TP53BP2: variants seen among roughly 807,000 people sequenced by gnomAD.
The protein encoded by TP53BP2 is apoptosis-stimulating of p53 protein 2.
In TP53BP2, 62 loss-of-function variants were observed where a neutral mutation model predicts 126.2. That is an observed-to-expected ratio of 0.49 (90% CI 0.40 to 0.61). The LOEUF is 0.61. Ranked by LOEUF, TP53BP2 falls within the 20% of genes least tolerant of loss-of-function variation. The pLI, the probability that TP53BP2 is intolerant of heterozygous loss-of-function variation, is 0.00. For synonymous variants in TP53BP2, 485 were observed against 502.9 expected, an observed-to-expected ratio of 0.96 and a Z score of 0.48; for missense variants, 1,215 against 1,402.8, an observed-to-expected ratio of 0.87 and a Z score of 2.14.
intron 16 of TP53BP2, 97 bp downstream of exon 16, chr1:223,788,911 G>T: frequency 2.2e-6 from 3 of 1,348,720 alleles, no homozygotes; most frequent in Non-Finnish European, 3.1e-6. Context: ...GATAACACAA[G>T]ATTTTTTCCA....
chr1:223,801,784 C>T (rs930728114), intron 9 of TP53BP2, among the ~76,000 whole-genome samples: 23 of 152,072 alleles, frequency 1.5e-4, no homozygotes, highest in African/African-American at 5.3e-4. Context: ...TATGTTTTTA[C>T]CCAAAAAGAA....
intron 16 of TP53BP2, among the ~76,000 whole-genome samples, chr1:223,786,103 C>G (rs1002591076): frequency 6.6e-6 from 1 of 152,066 alleles, no homozygotes; most frequent in South Asian, 2.1e-4. Flanking sequence ...ACAGGCAACA[C>G]GAGTGAATCT....
chr1:223,826,561 T>C (rs938884159), intron 1 of TP53BP2, among the ~76,000 whole-genome samples: 3 of 152,192 alleles, frequency 2.0e-5, no homozygotes, highest in African/African-American at 7.2e-5. Context: ...TGACTGCTAA[T>C]AGGTACAGGG....
At chr1:223,794,175 T>A (rs999621266) in intron 13 of TP53BP2, among the ~76,000 whole-genome samples, 1 of 151,762 alleles carries the variant, frequency 6.6e-6, no homozygotes, top group Non-Finnish European at 1.5e-5. Flanking sequence ...AAAGGCAAAA[T>A]TTTAAAGACT....
In TP53BP2 at chr1:223,784,338, A is replaced by C. The variant is rs1661878264; in HGVS notation, c.3164-24T>G. 3 of 1,610,462 alleles carry C rather than the reference A, an allele frequency of 1.9e-6. No individual in the cohort carries two copies. The East Asian group carries it at 6.7e-5, about 36-fold the overall frequency. On this transcript the variant is annotated intron_variant, in intron 16 of 17. Coordinates refer to ENST00000343537, the MANE Select transcript of TP53BP2 (RefSeq NM_001031685.3). ...TCCTAAAATCATGACAGTAAGATAA[A>C]GCACAGAATATACAACTTGGAGTAT...
rs1571841350 is a variant in TP53BP2 at position 223,792,466 on chromosome 1, C to A, written c.2919G>T (p.Val973=). The change falls in exon 15 of 18, where the codon GTG becomes GTT. Residue 973 remains valine (V), a synonymous_variant. Transcript: ENST00000343537. ...DEGITALHNA[V]CAGHTEIVKF... is the part of the protein sequence containing the mutation. ...TAACGATTTCTGTGTGGCCTGCACA[C>A]ACAGCATTGTGAAGAGCCGTGATGC... 6.2e-7 allele frequency: 1 copy of A among 1,614,040 alleles called. No individual in the cohort carries two copies. The highest frequency in any genetic ancestry group is 8.5e-7 in the Non-Finnish European group (1 of 1,179,950).
rs77037265 is a variant in TP53BP2 at position 223,784,275 on chromosome 1, A to G, written c.3203T>C (p.Ile1068Thr). Residue 1068 changes from isoleucine (I) to threonine (T), a missense_variant, in exon 17 of 18, where the codon ATT becomes ACT. Around this residue, in one of 4 missense-constraint regions of TP53BP2, gnomAD observed 151 missense variants for 231.2 expected, o/e 0.65. Transcript: ENST00000343537. Reference sequence around the variant, plus strand: ...AGGTTCATAATCCCAAAGCGCATAAATGACTCCTTTATTCATTATGCCCAT... The same window carrying G: ...AGGTTCATAATCCCAAAGCGCATAAGTGACTCCTTTATTCATTATGCCCAT... The part of the protein sequence containing the change: ...EKMGIMNKGV[I>T]YALWDYEPQN... 6.2e-7 allele frequency: 1 copy of G among 1,614,196 alleles called. No homozygotes were observed. The highest frequency in any genetic ancestry group is 1.3e-5 in the African/African-American group (1 of 75,050).
intron 2 of TP53BP2, 111 bp downstream of exon 2, chr1:223,821,109 T>G (rs1663289202): frequency 7.3e-7 from 1 of 1,369,868 alleles, no homozygotes; most frequent in African/African-American, 1.4e-5. Context: ...GGACGTGCTA[T>G]TCTCCAGTTT....
In TP53BP2 at chr1:223,798,401, C is replaced by T. The variant is rs138105834; in HGVS notation, c.1762G>A (p.Val588Ile). 38 of 1,614,020 alleles carry T rather than the reference C, an allele frequency of 2.4e-5. No individual in the cohort carries two copies. Among genetic ancestry groups the T allele is most frequent in the African/African-American group, 1.2e-4 (9 of 74,902 alleles). ...SKQESPPAAA[V>I]RPFTPQPSKD... ...GAAGGCTGGGGAGTAAAGGGCCGGACGGCAGCAGCAGGTGGACTTTCTTGC... is the reference window on the plus strand; with the variant it reads ...GAAGGCTGGGGAGTAAAGGGCCGGATGGCAGCAGCAGGTGGACTTTCTTGC... Residue 588 changes from valine to isoleucine, a missense_variant, in exon 12 of 18, where the codon GTC becomes ATC. Physicochemically the swap from Val to Ile is conservative, Grantham distance 29. Around this residue, in one of 4 missense-constraint regions of TP53BP2, gnomAD observed 814 missense variants for 853.0 expected, o/e 0.95. Coordinates refer to ENST00000343537, the MANE Select transcript of TP53BP2 (RefSeq NM_001031685.3).
At chr1:223,831,475 AAAAAAATATATATATAT>A (rs923872208) in intron 1 of TP53BP2, among the ~76,000 whole-genome samples, 6 of 47,080 alleles carry the variant, frequency 1.3e-4, no homozygotes, top group African/African-American at 3.6e-4. Flanking sequence ...CTAAAAAAAA[AAAAAAATATATATATAT>A]ATATATATAT....
chr1:223,799,906 T>C lies in TP53BP2; in HGVS notation c.1478A>G (p.Asp493Gly). Residue 493 changes from aspartate (D) to glycine (G), a missense_variant, in exon 11 of 18, where the codon GAT becomes GGT. Coordinates refer to ENST00000343537, the MANE Select transcript of TP53BP2 (RefSeq NM_001031685.3). ...KNQSSEDILR[D>G]AQVANKNVAK... ...CAGGATATTTGTAGGTACCTGAGCA[T>C]CCCGCAAGATATCTTCACTGCTCTG... is the stretch of plus-strand genomic sequence containing the variant. The C allele has an allele frequency of 6.3e-7, 1 of 1,589,762 alleles. No individual in the cohort carries two copies. Among genetic ancestry groups the C allele is most frequent in the South Asian group, 1.2e-5 (1 of 86,328 alleles).
At position 223,798,696 on chromosome 1, in the gene TP53BP2, A is replaced by G; in HGVS notation, c.1486-19T>C. On this transcript the variant is annotated intron_variant, in intron 11 of 17. Coordinates refer to ENST00000343537, the MANE Select transcript of TP53BP2 (RefSeq NM_001031685.3). ...TTGCAACCTATAACACACACATAAAAAGCCAGTTAAAATACTATATAACTG... is the reference window on the plus strand; with the variant it reads ...TTGCAACCTATAACACACACATAAAGAGCCAGTTAAAATACTATATAACTG... 6.4e-7 allele frequency: 1 copy of G among 1,560,562 alleles called. No individual in the cohort carries two copies. Among genetic ancestry groups the G allele is most frequent in the Non-Finnish European group, 8.7e-7 (1 of 1,151,114 alleles).
At chr1:223,814,914 T>C (rs549438706) in intron 2 of TP53BP2, among the ~76,000 whole-genome samples, 61 of 152,228 alleles carry the variant, frequency 4.0e-4, no homozygotes, top group Middle Eastern at 3.4e-3. Context: ...TTGCCCCTCT[T>C]CCAGTGAGAA....
Position 223,796,515 on chromosome 1 carries a change from C to T in TP53BP2, c.2024G>A (p.Gly675Asp). 6.2e-7 allele frequency: 1 copy of T among 1,614,056 alleles called. No individual in the cohort carries two copies. Among genetic ancestry groups the T allele is most frequent in the Non-Finnish European group, 8.5e-7 (1 of 1,180,024 alleles). The change falls in exon 13 of 18, where the codon GGC becomes GAC. Residue 675 changes from glycine to aspartate, a missense_variant. By Grantham distance (94) the Gly-to-Asp change is moderately conservative. Coordinates refer to ENST00000343537, the MANE Select transcript of TP53BP2 (RefSeq NM_001031685.3). This position sits in a 1 kb window ranked among gnomAD's most constrained non-coding sequence, Gnocchi z 4.2. ...TTCAGGTTCTGGACTGCCAGGCTTG[C>T]CCTGGCTATTGGAATAAATGTTCTC... ...HPENIYSNSQ[G>D]KPGSPEPETE...
rs550586293 is a variant in TP53BP2 at position 223,785,726 on chromosome 1, T to G, written c.3164-1412A>C. Among the ~76,000 whole-genome samples the G allele has an allele frequency of 2.0e-5, 3 of 152,376 alleles. No homozygotes were observed. The South Asian group carries it at 6.2e-4, about 32-fold the overall frequency. On this transcript the variant is annotated intron_variant, in intron 16 of 17. Transcript: ENST00000343537. Reference sequence around the variant, plus strand: ...AGGAATGGAGAAAAATTCTCATTACTTTGCTATTTATCAGATTAAGAGTTG... The same window carrying G: ...AGGAATGGAGAAAAATTCTCATTACGTTGCTATTTATCAGATTAAGAGTTG...
At chr1:223,790,798 G>A (rs1662131505) in intron 15 of TP53BP2, among the ~76,000 whole-genome samples, 1 of 151,776 alleles carries the variant, frequency 6.6e-6, no homozygotes, top group African/African-American at 2.4e-5. Flanking sequence ...TAGAGACAGG[G>A]TCTCTCTCTG....
intron 16 of TP53BP2, among the ~76,000 whole-genome samples, chr1:223,786,596 G>GTGTGTA (rs1415111093): frequency 6.7e-6 from 1 of 150,024 alleles, no homozygotes; most frequent in Non-Finnish European, 1.5e-5. Flanking sequence ...GTGTGTGTGT[G>GTGTGTA]TGTGTGTGTG....
At chr1:223,814,119 T>C (rs533832263) in intron 3 of TP53BP2, 121 bp downstream of exon 3, 26 of 689,130 alleles carry the variant, frequency 3.8e-5, no homozygotes, top group South Asian at 1.8e-4. Flanking sequence ...CTCCACTGTT[T>C]CCACTTCCTA....
intron 16 of TP53BP2, among the ~76,000 whole-genome samples, chr1:223,788,526 A>G (rs1558088322): frequency 6.6e-6 from 1 of 152,248 alleles, no homozygotes; most frequent in Non-Finnish European, 1.5e-5. Flanking sequence ...CTCAAAATCA[A>G]GAAAACAAAA....
Sources: allele counts gnomAD v4.1 joint callset (sites outside exome capture counted in the v4.1 genomes callset), GRCh38; gene constraint gnomAD v4.1.1; regional missense constraint gnomAD v4.1.1; non-coding constraint Gnocchi (gnomAD v3.1); transcripts MANE v1.5; gene names NCBI Gene and HGNC (gene_info 2026-07-23, HGNC 2026-07-21).